CYB5RL: variants seen among roughly 807,000 people sequenced by gnomAD.
CYB5RL encodes the protein NADH-cytochrome b5 reductase-like.
Under a neutral mutation model 37.5 loss-of-function variants are expected in CYB5RL, and 38 were observed. The ratio of observed to expected loss-of-function variants is 1.01; its 90% CI spans 0.78 to 1.33. The LOEUF (loss-of-function observed/expected upper bound fraction) is 1.33. Ranked by LOEUF, CYB5RL falls within the 40% of genes most tolerant of loss-of-function variation. CYB5RL has a pLI of 0.00. For missense variants in CYB5RL, 388 were observed against 394.4 expected (o/e 0.98, Z 0.14); for synonymous variants, 141 against 151.9 (o/e 0.93, Z 0.53).
chr1:54,180,957 A>G (rs898631442), intron 6 of CYB5RL, among the ~76,000 whole-genome samples: 1 of 152,148 alleles, frequency 6.6e-6, no homozygotes, highest in Non-Finnish European at 1.5e-5. Context: ...TTGGGGCTGT[A>G]GTGAACCATG....
At chr1:54,180,875 G>A (rs1052654601) in intron 6 of CYB5RL, among the ~76,000 whole-genome samples, 5 of 152,124 alleles carry the variant, frequency 3.3e-5, no homozygotes, top group Admixed American at 6.6e-5. Context: ...TTGGTTGGCT[G>A]GGTATGGTGG....
chr1:54,175,172 T>C (rs1659990986), intron 7 of CYB5RL, among the ~76,000 whole-genome samples: 1 of 152,224 alleles, frequency 6.6e-6, no homozygotes, highest in South Asian at 2.1e-4. Flanking sequence ...GACTGTGGGT[T>C]TCCCAGAATC....
Position 54,195,388 on chromosome 1 carries a change from G to C in CYB5RL, c.198+31C>G, listed in dbSNP as rs772198593. On this transcript the variant is annotated intron_variant, in intron 3 of 7. Transcript: ENST00000534324. ...GCCAAGGCAAGTAGATTGTTGCCCT[G>C]GTGCTCATATCGAGAAGCAGCCTCT... is the stretch of plus-strand genomic sequence containing the variant. The C allele has an allele frequency of 5.8e-6, 9 of 1,538,910 alleles. No individual in the cohort carries two copies. The South Asian group carries it at 1.1e-4, about 19-fold the overall frequency.
intron 7 of CYB5RL, 53 bp downstream of exon 7, chr1:54,179,096 C>T: frequency 1.3e-6 from 2 of 1,570,398 alleles, no homozygotes; most frequent in Middle Eastern, 3.3e-4. Context: ...AGGACAGGTG[C>T]AAAGGGACAG....
intron 4 of CYB5RL, chr1:54,187,973 G>C: frequency 2.0e-6 from 1 of 497,180 alleles, no homozygotes; most frequent in Non-Finnish European, 3.6e-6. Context: ...CTACCTGGGA[G>C]GCTGAGTCAC....
rs1659848873 is a variant in CYB5RL at position 54,169,674 on chromosome 1, G to A, written c.*4945C>T. The A allele has an allele frequency of 6.6e-6, 1 of 152,112 alleles. No homozygotes were observed. The highest frequency in any genetic ancestry group is 2.4e-5 in the African/African-American group (1 of 41,426). 9.4% of individuals were successfully genotyped at this position (152,112 alleles called of 1,614,324 possible). A position where few individuals can be genotyped will look rare whatever the true frequency, so the allele number is the denominator to read the frequency against. The stretch of plus-strand genomic sequence containing the variant: ...GATTTTTTTTTAAATGTTTAATTAT[G>A]GAACTATTTGAAAAACAGAAAAAGG... On this transcript the variant is annotated 3_prime_UTR_variant, in exon 8 of 8. Transcript: ENST00000534324.
intron 5 of CYB5RL, 82 bp from the exon 6 acceptor site, chr1:54,184,347 G>T: frequency 8.6e-7 from 1 of 1,156,686 alleles, no homozygotes; most frequent in South Asian, 1.4e-5. Flanking sequence ...TGTGGAGCCC[G>T]TTCTGTATGC....
At chr1:54,199,767 G>A (rs945005719) in intron 1 of CYB5RL, among the ~76,000 whole-genome samples, 1 of 152,228 alleles carries the variant, frequency 6.6e-6, no homozygotes, top group Non-Finnish European at 1.5e-5. Context: ...TCACGCTCAG[G>A]AGAGGGACAG....
At chr1:54,193,740 T>C (rs1274733465) in intron 3 of CYB5RL, among the ~76,000 whole-genome samples, 1 of 152,006 alleles carries the variant, frequency 6.6e-6, no homozygotes, top group African/African-American at 2.4e-5. Context: ...TTTGAGAGGC[T>C]GAGGCAGGTG....
rs79743819 is a variant in CYB5RL at position 54,195,561 on chromosome 1, C to T, written c.56G>A (p.Arg19Gln). ...DDTEEAWMQL[R>Q]PTEPLPSQCC... The stretch of plus-strand genomic sequence containing the variant: ...CTGGGAAGGCAAGGGTTCTGTGGGC[C>T]GTAGCTGCATCCAGGCTTCCTCAGT... Residue 19 changes from arginine (R) to glutamine (Q), a missense_variant, in exon 3 of 8, where the codon CGG (arginine) becomes CAG (glutamine). Coordinates refer to ENST00000534324, the MANE Select transcript of CYB5RL (RefSeq NM_001031672.4). 33,778 of 1,613,646 alleles carry T rather than the reference C, an allele frequency of 0.021. 530 individuals are homozygous for T. The highest frequency in any genetic ancestry group is 0.053 in the South Asian group (4,797 of 91,042).
intron 5 of CYB5RL, 127 bp from the exon 6 acceptor site, chr1:54,184,392 C>A: frequency 1.3e-6 from 1 of 749,950 alleles, no homozygotes; most frequent in Non-Finnish European, 2.2e-6. Context: ...ATTTAATCGT[C>A]CTCCTTATCC....
chr1:54,174,466 G>A lies in CYB5RL; in HGVS notation c.*153C>T, dbSNP rs542849665. The A allele has an allele frequency of 1.3e-6, 1 of 792,434 alleles. No homozygotes were observed. Among genetic ancestry groups the A allele is most frequent in the African/African-American group, 1.7e-5 (1 of 57,930 alleles). The allele number at this position is 792,434 out of a possible 1,614,324, so 49.1% of individuals were successfully genotyped here. On this transcript the variant is annotated 3_prime_UTR_variant, in exon 8 of 8. Transcript: ENST00000534324. ...AACCTCATGGGGCAGATGAGAAGTA[G>A]AGGTTCTGAGCAGTAAAGACACTTG...
intron 7 of CYB5RL, among the ~76,000 whole-genome samples, chr1:54,177,646 C>T (rs1241653798): frequency 1.3e-5 from 2 of 152,192 alleles, no homozygotes; most frequent in Non-Finnish European, 2.9e-5. Flanking sequence ...CATTCTGTGC[C>T]TCAGTTTCCA....
intron 5 of CYB5RL, chr1:54,184,602 G>T: frequency 5.3e-6 from 1 of 189,360 alleles, no homozygotes; most frequent in Non-Finnish European, 1.1e-5. Flanking sequence ...TTAACACACA[G>T]TCTCAGCATC....
Position 54,174,666 on chromosome 1 carries a change from A to T in CYB5RL, c.901T>A (p.Cys301Ser). Residue 301 changes from cysteine (C) to serine (S), a missense_variant, in exon 8 of 8, where the codon TGC becomes AGC. Coordinates refer to ENST00000534324, the MANE Select transcript of CYB5RL (RefSeq NM_001031672.4). ...SAEFTKDIAR[C>S]LLCAGLTEDS... ...TCAGTGAGGCCTGCGCACAGTAAGC[A>T]CCTGGCTATGTCTTTGGTGAACTCA... is the stretch of plus-strand genomic sequence containing the variant. 6.2e-7 allele frequency: 1 copy of T among 1,613,200 alleles called. No homozygotes were observed. The highest frequency in any genetic ancestry group is 8.5e-7 in the Non-Finnish European group (1 of 1,179,610).
chr1:54,171,039 T>G lies in CYB5RL; in HGVS notation c.*3580A>C, dbSNP rs562465595. ...CAATGGGCCGGCCCTCATGCTCACA[T>G]GCAGATGACACTTATGGGTACAGCG... On this transcript the variant is annotated 3_prime_UTR_variant, in exon 8 of 8. Transcript: ENST00000534324. 2 of 427,468 alleles carry G rather than the reference T, an allele frequency of 4.7e-6. No homozygotes were observed. The highest frequency in any genetic ancestry group is 7.1e-5 in the East Asian group (1 of 14,038). 26.5% of individuals were successfully genotyped at this position (427,468 alleles called of 1,614,324 possible).
chr1:54,175,509 G>A (rs940501389), intron 7 of CYB5RL: 7 of 302,022 alleles, frequency 2.3e-5, no homozygotes, highest in African/African-American at 1.3e-4. Flanking sequence ...CAAAATGAAG[G>A]CTCCACTCCC....
At chr1:54,186,833 C>T (rs566834604) in intron 5 of CYB5RL, among the ~76,000 whole-genome samples, 1 of 152,030 alleles carries the variant, frequency 6.6e-6, no homozygotes, top group Non-Finnish European at 1.5e-5. Flanking sequence ...CTACTAGCAG[C>T]ACTTCTTACT....
intron 6 of CYB5RL, among the ~76,000 whole-genome samples, chr1:54,182,555 A>G (rs1299462254): frequency 6.6e-6 from 1 of 151,936 alleles, no homozygotes. Context: ...AAACAATAAA[A>G]GCTTTTTTTT....
Sources: gnomAD v4.1 joint callset for allele counts (sites outside exome capture counted in the v4.1 genomes callset) on GRCh38, gnomAD v4.1.1 for gene constraint, MANE v1.5 for transcripts, NCBI Gene and HGNC (gene_info 2026-07-23, HGNC 2026-07-21) for gene names.